Variants in KCTD2 observed in about 807,000 individuals in gnomAD.
KCTD2 encodes BTB/POZ domain-containing protein KCTD2.
Under a neutral mutation model 27.9 loss-of-function variants are expected in KCTD2, and 18 were observed. The observed-to-expected ratio is 0.64, with a 90% CI of 0.45 to 0.96. The LOEUF (loss-of-function observed/expected upper bound fraction) is 0.96. KCTD2 is among the 40% of genes least tolerant of loss of function. The pLI is 0.00. For synonymous variants in KCTD2, 175 were observed against 148.4 expected (o/e 1.18, Z -1.30); for missense variants, 280 against 348.0 (o/e 0.80, Z 1.56).
In KCTD2 at chr17:75,065,233, CCCT is replaced by C. The variant is rs1199182085; in HGVS notation, c.*2191_*2193del. 1.3e-5 allele frequency: 2 copies of C among 152,240 alleles called. No homozygotes were observed. Among genetic ancestry groups the C allele is most frequent in the African/African-American group, 4.8e-5 (2 of 41,454 alleles). The allele number at this position is 152,240 out of a possible 1,614,324, so 9.4% of individuals were successfully genotyped here. On this transcript the variant is annotated 3_prime_UTR_variant, in exon 6 of 6. Transcript: ENST00000322444. Reference sequence around the variant, plus strand: ...CGGAGGGCTGGTGTTCACCAAGTTTCCCTCCTCGCTGCAACCCAATGACACCTG... The same window carrying C: ...CGGAGGGCTGGTGTTCACCAAGTTTCCCTCGCTGCAACCCAATGACACCTG...
At chr17:75,041,913 G>A in intron 3 of KCTD2, 1 of 320,652 alleles carries the variant, frequency 3.1e-6, no homozygotes, top group Admixed American at 4.9e-5. Flanking sequence ...ACCGGCCCAG[G>A]TCAGAAACAG....
intron 3 of KCTD2, among the ~76,000 whole-genome samples, chr17:75,056,178 G>T (rs77694486): frequency 0.2 from 30,469 of 152,166 alleles, 3,869 homozygotes; most frequent in Admixed American, 0.31. Context: ...CTTCCATCTA[G>T]CTGACAGCTC....
intron 2 of KCTD2, among the ~76,000 whole-genome samples, chr17:75,034,532 T>C (rs1258298604): frequency 6.6e-6 from 1 of 152,178 alleles, no homozygotes; most frequent in African/African-American, 2.4e-5. Flanking sequence ...CACGTGCTCC[T>C]TGATAGGTGT....
At chr17:75,043,628 AC>A (rs1296013216), upstream of KCTD2, among the ~76,000 whole-genome samples, 12 of 151,480 alleles carry the variant, frequency 7.9e-5, no homozygotes, top group Admixed American at 2.0e-4. Context: ...AAAAAAAAAA[AC>A]AAACCCCAGC....
chr17:75,055,007 T>A (rs898146485), intron 3 of KCTD2, among the ~76,000 whole-genome samples: 3 of 152,128 alleles, frequency 2.0e-5, no homozygotes, highest in African/African-American at 7.2e-5. Flanking sequence ...AGGTATAATC[T>A]ATTGCAGCAC....
At chr17:75,048,602 A>G (rs1048964917) in intron 1 of KCTD2, among the ~76,000 whole-genome samples, 5 of 152,198 alleles carry the variant, frequency 3.3e-5, no homozygotes, top group African/African-American at 1.2e-4. Flanking sequence ...AATAGAAGCC[A>G]GTTTCTTCTT....
chr17:75,053,045 C>A lies in KCTD2; in HGVS notation c.480C>A (p.Ile160=), dbSNP rs143156940. ...GVLEEAEFYN[I]ASLVRLVKER... is the part of the protein sequence containing the mutation. The stretch of plus-strand genomic sequence containing the variant: ...TGGAGGAAGCGGAGTTTTACAACAT[C>A]GCGTCCCTTGTGCGGCTGGTTAAGG... The change falls in exon 3 of 6, where the codon ATC becomes ATA. Residue 160 remains isoleucine, a synonymous_variant. Transcript: ENST00000322444. The A allele has an allele frequency of 3.7e-6, 6 of 1,614,130 alleles. No homozygotes were observed. In the East Asian group the frequency reaches 1.3e-4, roughly 36 times the overall value.
upstream of KCTD2, among the ~76,000 whole-genome samples, chr17:75,044,632 G>A (rs542959123): frequency 4.6e-5 from 7 of 152,214 alleles, no homozygotes; most frequent in East Asian, 5.8e-4. Flanking sequence ...ATGAGCCACC[G>A]CGCCCGGCCT....
At chr17:75,058,686 C>A (rs1313366987) in intron 3 of KCTD2, among the ~76,000 whole-genome samples, 1 of 152,016 alleles carries the variant, frequency 6.6e-6, no homozygotes, top group Non-Finnish European at 1.5e-5. Flanking sequence ...GTAATCCCAG[C>A]TATTCGGGAG....
At chr17:75,035,622 C>T (rs1211536202) in intron 3 of KCTD2, among the ~76,000 whole-genome samples, 1 of 152,042 alleles carries the variant, frequency 6.6e-6, no homozygotes, top group Non-Finnish European at 1.5e-5. Flanking sequence ...GTTCGAGACC[C>T]GCCTGACCAA....
upstream of KCTD2, among the ~76,000 whole-genome samples, chr17:75,043,447 A>G (rs2073180530): frequency 6.6e-6 from 1 of 152,134 alleles, no homozygotes; most frequent in Non-Finnish European, 1.5e-5. Flanking sequence ...CCCTGCCTCT[A>G]CTAAAAAATA....
intron 3 of KCTD2, chr17:75,039,318 A>G: frequency 6.4e-7 from 1 of 1,559,490 alleles, no homozygotes; most frequent in Non-Finnish European, 8.8e-7. Flanking sequence ...GCTGCATTCT[A>G]CCCCAGCAGC....
Position 75,039,012 on chromosome 17 carries a change from A to G in KCTD2, c.-259+3655A>G, listed in dbSNP as rs6968. 10,654 of 1,614,102 alleles carry G rather than the reference A, an allele frequency of 6.6e-3. 547 individuals carry two copies. The African/African-American group carries it at 0.12, about 18-fold the overall frequency. On this transcript the variant is annotated intron_variant, in intron 3 of 7. Transcript: ENST00000581589. ...TTGGTTTCTGGGAAAGCTTCATTCA[A>G]GTCCTCAATGGTCATCTGATCAAAT...
At position 75,064,902 on chromosome 17, in the gene KCTD2, C is replaced by G. The variant is rs2073441708; in HGVS notation, c.*1855C>G. 1 of 152,224 alleles carries G rather than the reference C, an allele frequency of 6.6e-6. No homozygotes were observed. The highest frequency in any genetic ancestry group is 2.4e-5 in the African/African-American group (1 of 41,444). The allele number at this position is 152,224 out of a possible 1,614,324, so 9.4% of individuals were successfully genotyped here. ...GCCAGGTCCAATGAGTAACATCAGA[C>G]TGACAGAGGAAAAGCAGCTTGGTTT... is the stretch of plus-strand genomic sequence containing the variant. On this transcript the variant is annotated 3_prime_UTR_variant, in exon 6 of 6. Transcript: ENST00000322444.
At chr17:75,059,670 T>C in intron 4 of KCTD2, 65 bp downstream of exon 4, 1 of 1,260,206 alleles carries the variant, frequency 7.9e-7, no homozygotes, top group Non-Finnish European at 1.1e-6. Flanking sequence ...CTTCAAACAA[T>C]CAGTGTGGAT....
chr17:75,051,933 T>A lies in KCTD2; in HGVS notation c.449-1081T>A, dbSNP rs374316148. 2.6e-5 allele frequency among the ~76,000 whole-genome samples: 4 copies of A among 152,324 alleles called. No homozygotes were observed. The East Asian group carries it at 7.7e-4, about 29-fold the overall frequency. ...CCTTTGAGTTCATTTAGCATGCAAG[T>A]CTTTAAATGGTTGCCTTTTATATTG... On this transcript the variant is annotated intron_variant, in intron 2 of 5. Transcript: ENST00000322444.
chr17:75,059,558 C>T lies in KCTD2; in HGVS notation c.589C>T (p.Leu197Phe). Reference sequence around the variant, plus strand: ...AGTCCTGCAGTGTCAGGAAGAAGAGCTCACGCAGATGGTGTCCACGATGTC... The same window carrying T: ...AGTCCTGCAGTGTCAGGAAGAAGAGTTCACGCAGATGGTGTCCACGATGTC... Reference protein sequence around the residue: ...YRVLQCQEEELTQMVSTMSDG... With the variant: ...YRVLQCQEEEFTQMVSTMSDG... Residue 197 changes from leucine (L) to phenylalanine (F), a missense_variant, in exon 4 of 6, where the codon CTC (leucine) becomes TTC (phenylalanine). By Grantham distance (22) the Leu-to-Phe change is conservative. Transcript: ENST00000322444. The T allele has an allele frequency of 6.2e-7, 1 of 1,614,136 alleles. No homozygotes were observed. The highest frequency in any genetic ancestry group is 8.5e-7 in the Non-Finnish European group (1 of 1,179,998).
chr17:75,045,380 C>T (rs918178948), upstream of KCTD2, among the ~76,000 whole-genome samples: 1 of 152,182 alleles, frequency 6.6e-6, no homozygotes, highest in East Asian at 1.9e-4. Flanking sequence ...GTTTTCAGAT[C>T]AACCGGTCTG....
At chr17:75,033,197 G>A (rs1210251489) in intron 1 of KCTD2, 1 of 151,758 alleles carries the variant, frequency 6.6e-6, no homozygotes, top group Non-Finnish European at 1.5e-5. Flanking sequence ...TTGAACTCCT[G>A]GGCTCAAGCA....
Sources: gnomAD v4.1 joint callset for allele counts (sites outside exome capture counted in the v4.1 genomes callset) on GRCh38, gnomAD v4.1.1 for gene constraint, MANE v1.5 for transcripts, NCBI Gene and HGNC (gene_info 2026-07-23, HGNC 2026-07-21) for gene names.